The following TET3 variants were observed in gnomAD, a reference collection of about 807,000 sequenced individuals.
TET3 encodes tet methylcytosine dioxygenase 3.
In TET3, 19 loss-of-function variants were observed where a neutral mutation model predicts 141.4. The ratio of observed to expected loss-of-function variants is 0.13; its 90% CI spans 0.09 to 0.20. The LOEUF is 0.20. Ranked by LOEUF, TET3 falls within the 10% of genes least tolerant of loss-of-function variation. TET3 has a pLI of 1.00. For synonymous variants in TET3, 1,043 were observed against 980.9 expected (o/e 1.06, Z -1.18); for missense variants, 1,874 against 2,356.9 (o/e 0.80, Z 4.24).
intron 3 of TET3, among the ~76,000 whole-genome samples, chr2:74,038,978 G>C (rs1687205598): frequency 6.6e-6 from 1 of 152,176 alleles, no homozygotes; most frequent in Non-Finnish European, 1.5e-5. Flanking sequence ...ATCCCCATCT[G>C]TCTGCTAGTG....
At chr2:74,006,516 C>T (rs1304760524) in intron 3 of TET3, among the ~76,000 whole-genome samples, 2 of 152,190 alleles carry the variant, frequency 1.3e-5, no homozygotes, top group African/African-American at 4.8e-5. Flanking sequence ...CCTCAGGGAC[C>T]ACCGTGGGGA....
In TET3 at chr2:74,101,485, G is replaced by T. The variant is rs767511970; in HGVS notation, c.4697G>T (p.Arg1566Met). 1 of 1,613,304 alleles carries T rather than the reference G, an allele frequency of 6.2e-7. No individual in the cohort carries two copies. The highest frequency in any genetic ancestry group is 1.1e-5 in the South Asian group (1 of 91,004). ...AACCCCATGAAAGGAGAGGAGGGCA[G>T]GATTCCAGCCGCAGGGGCCAGCCAG... ...LWNPMKGEEG[R>M]IPAAGASQLD... The change falls in exon 12 of 12, where the codon AGG becomes ATG. Residue 1566 changes from arginine (R) to methionine (M), a missense_variant. This residue lies in a region of TET3 where 602 missense variants were observed against 590.2 expected (regional missense o/e 1.02). Coordinates refer to ENST00000409262, the MANE Select transcript of TET3 (RefSeq NM_001287491.2). This position sits in a 1 kb window ranked among gnomAD's most constrained non-coding sequence, Gnocchi z 8.5.
At chr2:74,031,277 G>A (rs977699096) in intron 3 of TET3, among the ~76,000 whole-genome samples, 5 of 152,010 alleles carry the variant, frequency 3.3e-5, no homozygotes, top group Admixed American at 6.5e-5. Flanking sequence ...GCAGGGTCAC[G>A]GAAACCCAGG....
chr2:74,097,355 C>T (rs2104175866), intron 10 of TET3, among the ~76,000 whole-genome samples: 1 of 152,166 alleles, frequency 6.6e-6, no homozygotes, highest in Non-Finnish European at 1.5e-5. Flanking sequence ...AAGATGACTT[C>T]ATGATTTAAA....
intron 3 of TET3, among the ~76,000 whole-genome samples, chr2:74,038,881 G>A (rs1360499553): frequency 1.3e-5 from 2 of 152,210 alleles, no homozygotes; most frequent in African/African-American, 4.8e-5. Flanking sequence ...GAAAGGACTG[G>A]TCAAGGAGGA....
At chr2:74,092,763 A>G in intron 8 of TET3, 139 bp from the exon 9 acceptor site, 1 of 720,054 alleles carries the variant, frequency 1.4e-6, no homozygotes, top group Non-Finnish European at 2.4e-6. Context: ...GCCCTCCTGA[A>G]GGAAAGGCCA....
At chr2:73,988,135 T>C (rs1367703603) in intron 2 of TET3, among the ~76,000 whole-genome samples, 1 of 152,156 alleles carries the variant, frequency 6.6e-6, no homozygotes, top group African/African-American at 2.4e-5. Flanking sequence ...GACTTCTCTG[T>C]TGCTGGTGTT....
At chr2:73,994,614 T>TTTTCTTTCTTTCTTTCTTTCTTTC (rs935777591) in intron 2 of TET3, among the ~76,000 whole-genome samples, 1 of 143,564 alleles carries the variant, frequency 7.0e-6, no homozygotes, top group African/African-American at 2.9e-5. Context: ...GGTCTATTTT[T>TTTTCTTTCTTTCTTTCTTTCTTTC]TTTCTTTCTT....
In TET3 at chr2:74,102,135, G is replaced by C. The variant is rs1307442512; in HGVS notation, c.5347G>C (p.Ala1783Pro). The C allele has an allele frequency of 6.8e-7, 1 of 1,480,182 alleles. No individual in the cohort carries two copies. Among genetic ancestry groups the C allele is most frequent in the Non-Finnish European group, 9.0e-7 (1 of 1,115,206 alleles). The allele number at this position is 1,480,182 out of a possible 1,614,324, so 91.7% of individuals were successfully genotyped here. ...TDSAVTVSSY[A>P]YTKVTGPYSR... ...CTCGGCGGTCACCGTGTCCTCCTAT[G>C]CCTACACGAAGGTCACTGGCCCCTA... The change falls in exon 12 of 12, where the codon GCC becomes CCC. Residue 1783 changes from alanine to proline, a missense_variant. By Grantham distance (27) the Ala-to-Pro change is conservative. Coordinates refer to ENST00000409262, the MANE Select transcript of TET3 (RefSeq NM_001287491.2).
the TET3 span, chr2:74,122,490 C>CATATATATATATATAT: frequency 8.4e-5 from 5 of 59,352 alleles, no homozygotes; most frequent in South Asian, 1.2e-3. Flanking sequence ...TAAATACATA[C>CATATATATATATATAT]ATATATATAT....
chr2:74,093,084 A>G lies in TET3; in HGVS notation c.3129+93A>G, dbSNP rs1573905010. On this transcript the variant is annotated intron_variant, in intron 9 of 11. Transcript: ENST00000409262. The surrounding 1 kb of genome is among the most constrained non-coding windows in gnomAD (Gnocchi z 4.2). The stretch of plus-strand genomic sequence containing the variant: ...GGGAAGTGGGAGAGTGGGCTCTTTT[A>G]CTCTCTTATGGGAAGAGCCTAGTCC... 8 of 1,188,698 alleles carry G rather than the reference A, an allele frequency of 6.7e-6. No individual in the cohort carries two copies. In the East Asian group the frequency reaches 2.1e-4, roughly 31 times the overall value. 73.6% of individuals were successfully genotyped at this position (1,188,698 alleles called of 1,614,324 possible).
the TET3 span, among the ~76,000 whole-genome samples, chr2:74,125,804 G>C: frequency 1.3e-5 from 2 of 152,052 alleles, no homozygotes; most frequent in African/African-American, 2.4e-5. Flanking sequence ...TAAAGTGTTG[G>C]GATTACAGGC....
intron 6 of TET3, among the ~76,000 whole-genome samples, chr2:74,086,349 G>A (rs572377749): frequency 4.6e-5 from 7 of 151,998 alleles, no homozygotes; most frequent in Admixed American, 1.3e-4. Flanking sequence ...ATCCTGAGCA[G>A]CAGAGCAGTG....
intron 3 of TET3, among the ~76,000 whole-genome samples, chr2:74,024,483 C>T (rs994681723): frequency 6.6e-6 from 1 of 151,918 alleles, no homozygotes. Context: ...ACCATCCAGG[C>T]GGCCCCCTTC....
At chr2:74,011,211 G>A (rs1685413650) in intron 3 of TET3, among the ~76,000 whole-genome samples, 1 of 133,974 alleles carries the variant, frequency 7.5e-6, no homozygotes, top group East Asian at 2.2e-4. Context: ...CTGGGCGACA[G>A]AGAGAGACTC....
chr2:74,055,772 A>G (rs1164366543), intron 4 of TET3, among the ~76,000 whole-genome samples: 2 of 152,174 alleles, frequency 1.3e-5, no homozygotes, highest in Non-Finnish European at 2.9e-5. Flanking sequence ...TCATGGATTA[A>G]TGGGTTAATG....
intron 3 of TET3, among the ~76,000 whole-genome samples, chr2:74,030,561 A>G (rs1558727716): frequency 6.6e-6 from 1 of 152,204 alleles, no homozygotes; most frequent in Non-Finnish European, 1.5e-5. Flanking sequence ...ATTGCTCTTG[A>G]TAACATTTGT....
At chr2:74,084,837 A>C (rs539769030) in intron 6 of TET3, among the ~76,000 whole-genome samples, 1 of 151,784 alleles carries the variant, frequency 6.6e-6, no homozygotes, top group South Asian at 2.1e-4. Context: ...CTCTGGAGAC[A>C]GTGGGGAGAA....
the TET3 span, among the ~76,000 whole-genome samples, chr2:74,124,222 G>A: frequency 7.2e-6 from 1 of 138,432 alleles, no homozygotes; most frequent in Non-Finnish European, 1.6e-5. Flanking sequence ...AGGTGGGGGG[G>A]TCAGCCCCCG....
Sources: allele counts gnomAD v4.1 joint callset (sites outside exome capture counted in the v4.1 genomes callset), GRCh38; gene constraint gnomAD v4.1.1; regional missense constraint gnomAD v4.1.1; non-coding constraint Gnocchi (gnomAD v3.1); transcripts MANE v1.5; gene names NCBI Gene and HGNC (gene_info 2026-07-23, HGNC 2026-07-21).